RASSF4: variants seen among roughly 807,000 people sequenced by gnomAD.
The protein encoded by RASSF4 is Ras association domain family member 4.
In RASSF4, 38 loss-of-function variants were observed where a neutral mutation model predicts 41.1. That is an observed-to-expected ratio of 0.92 (90% CI 0.71 to 1.21). The LOEUF (loss-of-function observed/expected upper bound fraction) is 1.21. Ranked by LOEUF, RASSF4 falls within the 50% of genes most tolerant of loss-of-function variation. The pLI is 0.00. For synonymous variants in RASSF4, 179 were observed against 163.4 expected (o/e 1.10, Z -0.73); for missense variants, 414 against 419.4 (o/e 0.99, Z 0.11).
intron 3 of RASSF4, among the ~76,000 whole-genome samples, chr10:44,979,989 A>C (rs1490509223): frequency 6.6e-6 from 1 of 152,064 alleles, no homozygotes; most frequent in Admixed American, 6.5e-5. Flanking sequence ...AGCCCCTGGG[A>C]AGCTCCTGCA....
intron 1 of RASSF4, among the ~76,000 whole-genome samples, chr10:44,962,293 C>T (rs1018704703): frequency 2.0e-5 from 3 of 152,248 alleles, no homozygotes; most frequent in African/African-American, 7.2e-5. Context: ...AACCTAAGAT[C>T]TGGGGATCTG....
At chr10:44,969,706 A>G (rs549804329) in intron 1 of RASSF4, among the ~76,000 whole-genome samples, 1 of 152,354 alleles carries the variant, frequency 6.6e-6, no homozygotes, top group East Asian at 1.9e-4. Flanking sequence ...CACATAGGGA[A>G]CACAGTGCCG....
intron 3 of RASSF4, 41 bp from the exon 4 acceptor site, chr10:44,982,480 C>A: frequency 6.2e-7 from 1 of 1,602,156 alleles, no homozygotes; most frequent in Non-Finnish European, 8.5e-7. Flanking sequence ...GGAAGGTAGG[C>A]AGCTGCTCTG....
At chr10:44,962,829 C>T (rs1316776301) in intron 1 of RASSF4, among the ~76,000 whole-genome samples, 1 of 152,172 alleles carries the variant, frequency 6.6e-6, no homozygotes, top group African/African-American at 2.4e-5. Flanking sequence ...AAGGGGGGAG[C>T]AGGAGGACTG....
At chr10:44,991,368 T>C (rs1842106346) in intron 9 of RASSF4, 1 of 292,754 alleles carries the variant, frequency 3.4e-6, no homozygotes, top group South Asian at 1.2e-4. Context: ...GTTGTCATTA[T>C]GTGAGAGACC....
chr10:44,987,422 GA>G (rs754342786), intron 6 of RASSF4, among the ~76,000 whole-genome samples: 7 of 152,064 alleles, frequency 4.6e-5, no homozygotes, highest in Non-Finnish European at 1.0e-4. Context: ...CTTTGGACAA[GA>G]AAGCCTAATC....
intron 3 of RASSF4, among the ~76,000 whole-genome samples, chr10:44,973,591 G>T (rs536200179): frequency 2.6e-5 from 4 of 152,214 alleles, no homozygotes; most frequent in African/African-American, 7.2e-5. Flanking sequence ...CTGCTGAACC[G>T]AAAACACTTA....
intron 3 of RASSF4, among the ~76,000 whole-genome samples, chr10:44,973,131 G>C (rs573463402): frequency 6.6e-6 from 1 of 152,152 alleles, no homozygotes; most frequent in Non-Finnish European, 1.5e-5. Flanking sequence ...CCCAGGCTGC[G>C]AGGCCCCACA....
At position 44,990,964 on chromosome 10, in the gene RASSF4, A is replaced by T; in HGVS notation, c.702A>T (p.Lys234Asn). The T allele has an allele frequency of 1.2e-6, 2 of 1,613,064 alleles. No individual in the cohort carries two copies. Among genetic ancestry groups the T allele is most frequent in the East Asian group, 2.2e-5 (1 of 44,836 alleles). Residue 234 changes from lysine to asparagine, a missense_variant, in exon 9 of 11, where the codon AAA becomes AAT. Lys to Asn is a moderately conservative substitution (Grantham distance 94). Transcript: ENST00000340258. ...VHESGERTKL[K>N]DCEYPLISRI... ...CTTTTTCAGAGCGGACAAAATTAAA[A>T]GACTGCGAGTACCCGCTGATTTCCA... is the stretch of plus-strand genomic sequence containing the variant.
chr10:44,971,574 G>GC, intron 2 of RASSF4, 199 bp from the exon 3 acceptor site: 3 of 684,938 alleles, frequency 4.4e-6, no homozygotes, highest in East Asian at 2.8e-5. Context: ...CGACCCCCAT[G>GC]CCCCCCACCA....
chr10:44,967,337 G>C (rs1840941162), intron 1 of RASSF4, among the ~76,000 whole-genome samples: 1 of 152,240 alleles, frequency 6.6e-6, no homozygotes, highest in Non-Finnish European at 1.5e-5. Flanking sequence ...TCGCAGCTCA[G>C]TGGTCAGAAT....
At chr10:44,990,887 C>T in intron 8 of RASSF4, 61 bp from the exon 9 acceptor site, 2 of 1,557,372 alleles carry the variant, frequency 1.3e-6, no homozygotes, top group Non-Finnish European at 1.8e-6. Flanking sequence ...AGTTCCTAAT[C>T]TGGAACAGAC....
chr10:44,978,189 C>A, intron 3 of RASSF4: 1 of 747,330 alleles, frequency 1.3e-6, no homozygotes, highest in Non-Finnish European at 2.1e-6. Context: ...AGAGCCCAGA[C>A]CAGAGCTCCG....
chr10:44,960,375 C>G lies in RASSF4; in HGVS notation c.-39+509C>G, dbSNP rs116006087. ...GTGAGAGTCCTACTTTCGTTATCCC[C>G]TTTTCAGATGTGAAAACTGAGGCTT... On this transcript the variant is annotated intron_variant, in intron 1 of 10. Transcript: ENST00000340258. Among the ~76,000 whole-genome samples, 712 of 152,340 alleles carry G rather than the reference C, an allele frequency of 4.7e-3. 9 individuals carry two copies. Among genetic ancestry groups the G allele is most frequent in the African/African-American group, 0.016 (674 of 41,572 alleles).
intron 1 of RASSF4, among the ~76,000 whole-genome samples, chr10:44,969,142 G>T (rs771060484): frequency 3.9e-5 from 6 of 151,960 alleles, no homozygotes; most frequent in Non-Finnish European, 8.8e-5. Context: ...GTATGTGTGT[G>T]TGAAGCTTTA....
At chr10:44,977,452 G>C (rs1198910659) in intron 3 of RASSF4, 3 of 1,611,864 alleles carry the variant, frequency 1.9e-6, no homozygotes, top group Non-Finnish European at 2.5e-6. Context: ...TGCTGGGGCG[G>C]GGGCGGTGGC....
In RASSF4 at chr10:44,964,640, T is replaced by C. The variant is rs372650143; in HGVS notation, c.-39+4774T>C. Among the ~76,000 whole-genome samples the C allele has an allele frequency of 7.2e-5, 11 of 152,346 alleles. 1 individual carries two copies. The highest frequency in any genetic ancestry group is 2.6e-4 in the African/African-American group (11 of 41,590). On this transcript the variant is annotated intron_variant, in intron 1 of 10. Coordinates refer to ENST00000340258, the MANE Select transcript of RASSF4 (RefSeq NM_032023.4). ...TTTCAAGATAAGGTTGTGCTGTTTA[T>C]AAAAGACTGAAAAATACTCCAGCAG... is the stretch of plus-strand genomic sequence containing the variant.
At chr10:44,986,673 G>A (rs558425712) in intron 6 of RASSF4, among the ~76,000 whole-genome samples, 7 of 152,304 alleles carry the variant, frequency 4.6e-5, no homozygotes, top group Non-Finnish European at 7.4e-5. Flanking sequence ...TTCTTACCAC[G>A]CTCAACATCC....
Position 44,970,257 on chromosome 10 carries a change from A to T in RASSF4, c.55A>T (p.Ile19Phe). ...SHVPISDSKSIQKSELLGLLK... is the reference protein window; with the variant it reads ...SHVPISDSKSFQKSELLGLLK... ...CGTGCCCATCAGTGACAGCAAGTCC[A>T]TTCAGAAGTAAGCCTTGGTGTGCAG... Residue 19 changes from isoleucine (I) to phenylalanine (F), a missense_variant, in exon 2 of 11, where the codon ATT becomes TTT. Transcript: ENST00000340258. 6.2e-7 allele frequency: 1 copy of T among 1,613,862 alleles called. No homozygotes were observed. The highest frequency in any genetic ancestry group is 8.5e-7 in the Non-Finnish European group (1 of 1,179,704).
Sources: allele counts gnomAD v4.1 joint callset (sites outside exome capture counted in the v4.1 genomes callset), GRCh38; gene constraint gnomAD v4.1.1; transcripts MANE v1.5; gene names NCBI Gene and HGNC (gene_info 2026-07-23, HGNC 2026-07-21).